The following ZFYVE1 variants were observed in gnomAD, a reference collection of about 807,000 sequenced individuals.
The protein encoded by ZFYVE1 is zinc finger FYVE domain-containing protein 1.
Under a neutral mutation model 74.4 loss-of-function variants are expected in ZFYVE1, and 30 were observed. The observed-to-expected ratio is 0.40, with a 90% CI of 0.30 to 0.55. The LOEUF (loss-of-function observed/expected upper bound fraction) is 0.55. ZFYVE1 is among the 20% of genes least tolerant of loss of function. The pLI is 0.42. For synonymous variants in ZFYVE1, 335 were observed against 385.1 expected (o/e 0.87, Z 1.52); for missense variants, 703 against 1,011.6 (o/e 0.69, Z 4.14).
chr14:72,981,387 AG>A (rs77151471), intron 5 of ZFYVE1, among the ~76,000 whole-genome samples: 7 of 152,026 alleles, frequency 4.6e-5, no homozygotes. Flanking sequence ...TGTTTTGCAC[AG>A]GGGGGGCACT....
In ZFYVE1 at chr14:72,974,958, C is replaced by G; in HGVS notation, c.1808G>C (p.Ser603Thr). ...AYWRPNSQIL[S>T]CNKCATSFKD... ...AAAGGACGTCGCACACTTGTTGCAG[C>G]TCTGTTCCAAGCCCAAAACAAAACA... Residue 603 changes from serine (S) to threonine (T), a missense_variant and splice_region_variant, in exon 10 of 12, where the codon AGC becomes ACC. Physicochemically the swap from Ser to Thr is moderately conservative, Grantham distance 58. This residue lies in a region of ZFYVE1 where 492 missense variants were observed against 790.0 expected (regional missense o/e 0.62). Transcript: ENST00000556143. 6.2e-7 allele frequency: 1 copy of G among 1,603,572 alleles called. No individual in the cohort carries two copies. Among genetic ancestry groups the G allele is most frequent in the Non-Finnish European group, 8.5e-7 (1 of 1,171,362 alleles).
intron 2 of ZFYVE1, among the ~76,000 whole-genome samples, chr14:73,015,276 GGAAGGAAGGAAGGAAGGAAAGA>G (rs1894168046): frequency 2.4e-5 from 2 of 84,508 alleles, no homozygotes; most frequent in Admixed American, 1.2e-4. Flanking sequence ...AAGGAAGGAA[GGAAGGAAGGAAGGAAGGAAAGA>G]AGGGAGGGAG....
chr14:72,976,068 A>T (rs12878701), intron 8 of ZFYVE1: 79,564 of 213,960 alleles, frequency 0.37, 15,281 homozygotes, highest in Middle Eastern at 0.49. Context: ...GTGTCTAAGT[A>T]CAATATCCAT....
intron 4 of ZFYVE1, among the ~76,000 whole-genome samples, chr14:72,985,811 G>T (rs1893464775): frequency 6.6e-6 from 1 of 151,764 alleles, no homozygotes; most frequent in South Asian, 2.1e-4. Context: ...ATGAGACAGG[G>T]TCTTACTATG....
At chr14:73,001,654 G>A (rs369296036) in intron 2 of ZFYVE1, among the ~76,000 whole-genome samples, 1 of 152,088 alleles carries the variant, frequency 6.6e-6, no homozygotes. Context: ...CATATGGAGA[G>A]GCTAAATTGC....
intron 5 of ZFYVE1, chr14:72,979,273 GC>G (rs1228077223): frequency 3.3e-6 from 1 of 305,562 alleles, no homozygotes; most frequent in Non-Finnish European, 6.5e-6. Context: ...GCCGACGGGG[GC>G]AGATCACTTC....
intron 11 of ZFYVE1, 82 bp from the exon 12 acceptor site, chr14:72,971,196 A>G: frequency 7.1e-7 from 1 of 1,415,526 alleles, no homozygotes; most frequent in Non-Finnish European, 9.8e-7. Context: ...TCGGATGCTT[A>G]CTGGCTTATA....
intron 2 of ZFYVE1, among the ~76,000 whole-genome samples, chr14:73,021,915 C>T (rs1377267143): frequency 6.6e-6 from 1 of 152,146 alleles, no homozygotes; most frequent in Non-Finnish European, 1.5e-5. Flanking sequence ...AAAAAATACA[C>T]ATTCTCCTCC....
At chr14:73,008,069 T>C (rs1445883688) in intron 2 of ZFYVE1, among the ~76,000 whole-genome samples, 2 of 152,222 alleles carry the variant, frequency 1.3e-5, no homozygotes, top group African/African-American at 4.8e-5. Context: ...CTCCATGTCT[T>C]ATAACTACCA....
chr14:73,019,817 T>C (rs765830212), intron 2 of ZFYVE1, among the ~76,000 whole-genome samples: 1 of 151,852 alleles, frequency 6.6e-6, no homozygotes, highest in Admixed American at 6.6e-5. Flanking sequence ...CCAGGCGTGG[T>C]GGTGGTGCCT....
chr14:73,011,594 A>G (rs1425472903), intron 2 of ZFYVE1, among the ~76,000 whole-genome samples: 1 of 151,646 alleles, frequency 6.6e-6, no homozygotes, highest in Non-Finnish European at 1.5e-5. Context: ...ATCTTGGCTC[A>G]CTGCAACTTC....
At chr14:73,016,294 A>G (rs12881578) in intron 2 of ZFYVE1, among the ~76,000 whole-genome samples, 42,350 of 151,578 alleles carry the variant, frequency 0.28, 6,737 homozygotes, top group Middle Eastern at 0.39. Context: ...GGCGGATCAC[A>G]AGGTCAGGTG....
In ZFYVE1 at chr14:72,998,364, C is replaced by T; in HGVS notation, c.484-49G>A. On this transcript the variant is annotated intron_variant, in intron 2 of 11. Transcript: ENST00000556143. The stretch of plus-strand genomic sequence containing the variant: ...ATGAAATACAGAAACTGTAAAAGCA[C>T]TAGAAACACCTACAAGAAGAAGTGC... 4 of 1,440,984 alleles carry T rather than the reference C, an allele frequency of 2.8e-6. No homozygotes were observed. In the East Asian group the frequency reaches 9.2e-5, roughly 33 times the overall value. 89.3% of individuals were successfully genotyped at this position (1,440,984 alleles called of 1,614,324 possible).
intron 4 of ZFYVE1, among the ~76,000 whole-genome samples, chr14:72,984,326 C>CTT (rs1893421570): frequency 6.6e-6 from 1 of 152,020 alleles, no homozygotes; most frequent in African/African-American, 2.4e-5. Context: ...GTCAGGAGTT[C>CTT]GAGACCAGCC....
At position 73,027,048 on chromosome 14, in the gene ZFYVE1, T is replaced by A; in HGVS notation, c.-557A>T. The A allele has an allele frequency of 2.5e-6, 1 of 399,218 alleles. No homozygotes were observed. Among genetic ancestry groups the A allele is most frequent in the Non-Finnish European group, 4.4e-6 (1 of 226,558 alleles). 24.7% of individuals were successfully genotyped at this position (399,218 alleles called of 1,614,324 possible). On this transcript the variant is annotated 5_prime_UTR_variant, in exon 1 of 12. It adds an upstream start codon to the 5' untranslated region. Coordinates refer to ENST00000556143, the MANE Select transcript of ZFYVE1 (RefSeq NM_021260.4). ...ATCTCCATCTCCGCCACCCTCCTCC[T>A]TCGTTGCCTCCCGGGCTTCCTCCTC...
intron 2 of ZFYVE1, among the ~76,000 whole-genome samples, chr14:73,002,506 G>GCA (rs1158863039): frequency 2.7e-5 from 4 of 149,504 alleles, no homozygotes; most frequent in East Asian, 2.0e-4. Context: ...GCAGTGGCAT[G>GCA]ATCTTGGCTC....
intron 2 of ZFYVE1, among the ~76,000 whole-genome samples, chr14:73,019,234 T>C (rs978603305): frequency 1.3e-5 from 2 of 152,148 alleles, no homozygotes; most frequent in Non-Finnish European, 2.9e-5. Flanking sequence ...CTCTAGGCCA[T>C]AGAATTTGAG....
intron 5 of ZFYVE1, chr14:72,979,202 G>T (rs1893259740): frequency 4.3e-6 from 2 of 460,792 alleles, no homozygotes; most frequent in South Asian, 4.8e-5. Context: ...GAGGACACAG[G>T]GGAAAAAGAA....
chr14:72,990,162 A>G lies in ZFYVE1; in HGVS notation c.1203+2981T>C, dbSNP rs566935695. ...AATTTAAAGGATGTTTAAAACAAAAAAGTACAAAACCAATTTTTTCAAAGA... is the reference window on the plus strand; with the variant it reads ...AATTTAAAGGATGTTTAAAACAAAAGAGTACAAAACCAATTTTTTCAAAGA... On this transcript the variant is annotated intron_variant, in intron 4 of 11. Coordinates refer to ENST00000556143, the MANE Select transcript of ZFYVE1 (RefSeq NM_021260.4). Among the ~76,000 whole-genome samples the G allele has an allele frequency of 3.9e-5, 6 of 152,340 alleles. No homozygotes were observed. The South Asian group carries it at 1.2e-3, about 32-fold the overall frequency.
Sources: allele counts gnomAD v4.1 joint callset (sites outside exome capture counted in the v4.1 genomes callset), GRCh38; gene constraint gnomAD v4.1.1; regional missense constraint gnomAD v4.1.1; transcripts MANE v1.5; gene names NCBI Gene and HGNC (gene_info 2026-07-23, HGNC 2026-07-21).